COL4A3: variants seen among roughly 807,000 people sequenced by gnomAD.
COL4A3 encodes the protein collagen alpha-3(IV) chain.
A neutral mutation model predicts 217.4 loss-of-function variants in COL4A3; 135 were observed. The observed-to-expected ratio is 0.62, with a 90% CI of 0.54 to 0.72. The LOEUF is 0.72. Ranked by LOEUF, COL4A3 falls within the 30% of genes least tolerant of loss-of-function variation. COL4A3 has a pLI of 0.00. For missense variants in COL4A3, 1,868 were observed against 2,119.9 expected (o/e 0.88, Z 2.33); for synonymous variants, 690 against 736.3 (o/e 0.94, Z 1.02).
At chr2:227,178,208 CCT>C (rs755681227) in intron 1 of COL4A3, among the ~76,000 whole-genome samples, 1 of 151,966 alleles carries the variant, frequency 6.6e-6, no homozygotes, top group Non-Finnish European at 1.5e-5. Context: ...TACAATGTGA[CCT>C]CTCTCTACCA....
At chr2:227,224,084 C>T (rs376107375) in intron 1 of COL4A3, among the ~76,000 whole-genome samples, 1 of 152,158 alleles carries the variant, frequency 6.6e-6, no homozygotes, top group Non-Finnish European at 1.5e-5. Context: ...GCAATCGCTC[C>T]GAACGCAGTC....
chr2:227,209,447 T>C (rs1278663085), intron 1 of COL4A3, among the ~76,000 whole-genome samples: 1 of 152,238 alleles, frequency 6.6e-6, no homozygotes, highest in Non-Finnish European at 1.5e-5. Context: ...TTTTGAATCC[T>C]GCTATCTCTG....
rs367670394 is a variant in COL4A3, at chr2:227,307,699, G to C, written c.4253-11G>C. 9.7e-5 allele frequency: 156 copies of C among 1,613,168 alleles called. No individual in the cohort carries two copies. The highest frequency in any genetic ancestry group is 1.2e-4 in the Non-Finnish European group (141 of 1,179,270). On this transcript the variant is annotated splice_polypyrimidine_tract_variant and intron_variant, in intron 47 of 51. Coordinates refer to ENST00000396578, the MANE Select transcript of COL4A3 (RefSeq NM_000091.5). ...GTGTATGTTGCAACATTTAGAATGT[G>C]TTTTTTGAAGGACCAGCTGGATCAG...
chr2:227,196,932 T>C (rs180839787), intron 1 of COL4A3, among the ~76,000 whole-genome samples: 153 of 152,198 alleles, frequency 1.0e-3, no homozygotes, highest in African/African-American at 3.4e-3. Flanking sequence ...TTCCCACACG[T>C]TGTGAGAGGG....
chr2:227,204,721 AG>A (rs1375596651), intron 1 of COL4A3, among the ~76,000 whole-genome samples: 1 of 152,222 alleles, frequency 6.6e-6, no homozygotes, highest in Non-Finnish European at 1.5e-5. Flanking sequence ...GCCACACTTT[AG>A]CTCTTAAGCC....
At chr2:227,203,755 G>C (rs2066981306) in intron 1 of COL4A3, among the ~76,000 whole-genome samples, 1 of 98,736 alleles carries the variant, frequency 1.0e-5, no homozygotes, top group South Asian at 3.2e-4. Flanking sequence ...ACATATATGT[G>C]TGTATATATG....
In COL4A3 at chr2:227,303,344, G is replaced by T. The variant is rs1010127485; in HGVS notation, c.3955+234G>T. ...TTTATTTGTGTAAAAGACTGTGATTGGAAGAGAAGTCTTACCACTTTATTA... is the reference window on the plus strand; with the variant it reads ...TTTATTTGTGTAAAAGACTGTGATTTGAAGAGAAGTCTTACCACTTTATTA... On this transcript the variant is annotated intron_variant, in intron 44 of 51. Coordinates refer to ENST00000396578, the MANE Select transcript of COL4A3 (RefSeq NM_000091.5). Among the ~76,000 whole-genome samples, 9 of 152,186 alleles carry T rather than the reference G, an allele frequency of 5.9e-5. 1 individual carries two copies. The highest frequency in any genetic ancestry group is 2.2e-4 in the African/African-American group (9 of 41,522).
intron 1 of COL4A3, among the ~76,000 whole-genome samples, chr2:227,215,592 G>A (rs767424230): frequency 8.5e-5 from 13 of 152,070 alleles, no homozygotes; most frequent in Non-Finnish European, 1.6e-4. Flanking sequence ...CCGAGTAGCT[G>A]GGATTACAGG....
chr2:227,266,084 TACAATTCA>T (rs1255743208), intron 21 of COL4A3: 1 of 319,322 alleles, frequency 3.1e-6, no homozygotes, highest in Non-Finnish European at 5.9e-6. Flanking sequence ...ATTATAGAAC[TACAATTCA>T]AGATGAGATT....
chr2:227,308,640 C>T (rs2073612410), intron 48 of COL4A3, among the ~76,000 whole-genome samples: 1 of 152,228 alleles, frequency 6.6e-6, no homozygotes, highest in Non-Finnish European at 1.5e-5. Flanking sequence ...CTGATCTATG[C>T]TAGCCCCCAT....
At chr2:227,238,297 A>G (rs1208795592) in intron 2 of COL4A3, 3 of 311,512 alleles carry the variant, frequency 9.6e-6, no homozygotes, top group East Asian at 7.3e-5. Flanking sequence ...AAAGAAAAAG[A>G]AAGTTTATGA....
In COL4A3 at chr2:227,248,002, C is replaced by T. The variant is rs543145140; in HGVS notation, c.468+418C>T. On this transcript the variant is annotated intron_variant, in intron 8 of 51. Coordinates refer to ENST00000396578, the MANE Select transcript of COL4A3 (RefSeq NM_000091.5). ...TTGCCCAGGCTGGAGTACAGTGGCA[C>T]GATCTCAGCTCACTGCAACCTCCAC... Among the ~76,000 whole-genome samples the T allele has an allele frequency of 9.9e-5, 15 of 152,226 alleles. No homozygotes were observed. In the South Asian group the frequency reaches 2.1e-3, roughly 21 times the overall value.
At chr2:227,175,456 G>T (rs151001918) in intron 1 of COL4A3, among the ~76,000 whole-genome samples, 1 of 152,244 alleles carries the variant, frequency 6.6e-6, no homozygotes, top group East Asian at 1.9e-4. Flanking sequence ...AGGTGACAGA[G>T]CAAGACTCCA....
intron 1 of COL4A3, among the ~76,000 whole-genome samples, chr2:227,237,538 C>T (rs1423081757): frequency 6.6e-6 from 1 of 151,976 alleles, no homozygotes; most frequent in Non-Finnish European, 1.5e-5. Context: ...TATGTAGAAC[C>T]TAAGAATTTG....
intron 1 of COL4A3, among the ~76,000 whole-genome samples, chr2:227,200,761 G>A (rs1245525060): frequency 1.3e-5 from 2 of 152,124 alleles, no homozygotes; most frequent in Admixed American, 1.3e-4. Context: ...TCTGTCATAA[G>A]TAACATGATG....
intron 1 of COL4A3, among the ~76,000 whole-genome samples, chr2:227,214,108 A>G (rs2067435917): frequency 6.6e-6 from 1 of 152,144 alleles, no homozygotes; most frequent in South Asian, 2.1e-4. Flanking sequence ...TATCCTCCGC[A>G]TATTGAAAAG....
At position 227,280,734 on chromosome 2, in the gene COL4A3, CTTCT is replaced by C. The variant is rs2071903225; in HGVS notation, c.2374+147_2374+150del. The stretch of plus-strand genomic sequence containing the variant: ...TTCTTCCTTCTTTCCTTCTTCCTTC[CTTCT>C]TTTTTAATGAGTGCCCTCTAGAAAA... On this transcript the variant is annotated intron_variant, in intron 30 of 51. Transcript: ENST00000396578. 9.5e-6 allele frequency: 11 copies of C among 1,156,596 alleles called. No individual in the cohort carries two copies. The Admixed American group carries it at 1.6e-4, about 17-fold the overall frequency. The allele number at this position is 1,156,596 out of a possible 1,614,324, so 71.6% of individuals were successfully genotyped here.
rs1384261118 is a variant in COL4A3, at chr2:227,191,018, T to C, written c.87+26205T>C. 6.6e-6 allele frequency among the ~76,000 whole-genome samples: 1 copy of C among 152,224 alleles called. No individual in the cohort carries two copies. Among genetic ancestry groups the C allele is most frequent in the Non-Finnish European group, 1.5e-5 (1 of 68,044 alleles). On this transcript the variant is annotated intron_variant, in intron 1 of 51. Coordinates refer to ENST00000396578, the MANE Select transcript of COL4A3 (RefSeq NM_000091.5). This position sits in a 1 kb window ranked among gnomAD's most constrained non-coding sequence, Gnocchi z 6.8. ...GCATCTTCTTCTAGCACTTCTATTA[T>C]GTATAGAATTTTTTAAAAAATAGAT...
chr2:227,256,561 A>C, intron 17 of COL4A3, 165 bp downstream of exon 17: 1 of 771,992 alleles, frequency 1.3e-6, no homozygotes, highest in Non-Finnish European at 2.4e-6. Context: ...AACTTTACTT[A>C]AACATTTGAA....
Sources: gnomAD v4.1 joint callset for allele counts (sites outside exome capture counted in the v4.1 genomes callset) on GRCh38, gnomAD v4.1.1 for gene constraint, Gnocchi (gnomAD v3.1) non-coding constraint, MANE v1.5 for transcripts, NCBI Gene and HGNC (gene_info 2026-07-23, HGNC 2026-07-21) for gene names.